Variants in LYST observed in about 807,000 individuals in gnomAD.
LYST encodes lysosomal trafficking regulator.
Under a neutral mutation model 413.6 loss-of-function variants are expected in LYST, and 192 were observed. The ratio of observed to expected loss-of-function variants is 0.46; its 90% confidence interval spans 0.41 to 0.52. The LOEUF is 0.52. Among genes scored for constraint, LYST ranks in the 20% least tolerant of loss-of-function variants. LYST has a pLI of 0.00. For synonymous variants in LYST, 1,525 were observed against 1,567.3 expected (o/e 0.97, Z 0.64); for missense variants, 3,815 against 4,499.9 (o/e 0.85, Z 4.35).
At position 235,759,276 on chromosome 1, in the gene LYST, C is replaced by G. The variant is rs1434479200; in HGVS notation, c.6577G>C (p.Gly2193Arg). 6.2e-7 allele frequency: 1 copy of G among 1,614,180 alleles called. No homozygotes were observed. The highest frequency in any genetic ancestry group is 8.5e-7 in the Non-Finnish European group (1 of 1,180,020). Reference sequence around the variant, plus strand: ...TTGACCACTGGAAATCCCAGCACTCCCTTTGGGACATCACTGACAGAGACC... The same window carrying G: ...TTGACCACTGGAAATCCCAGCACTCGCTTTGGGACATCACTGACAGAGACC... ...AQVSVSDVPK[G>R]VLGFPVVKAD... is the part of the protein sequence containing the mutation. Residue 2193 changes from glycine to arginine, a missense_variant, in exon 23 of 53, where the codon GGA (glycine) becomes CGA (arginine). Around this residue, in one of 4 missense-constraint regions of LYST, gnomAD observed 771 missense variants for 837.1 expected, o/e 0.92. Coordinates refer to ENST00000389793, the MANE Select transcript of LYST (RefSeq NM_000081.4).
At chr1:235,747,178 G>A (rs768899025) in intron 28 of LYST, 2 of 433,384 alleles carry the variant, frequency 4.6e-6, no homozygotes, top group Non-Finnish European at 9.3e-6. Flanking sequence ...ACCTGCTCCA[G>A]GAGGTACAAC....
chr1:235,705,694 C>A (rs1572037027), intron 44 of LYST, among the ~76,000 whole-genome samples: 1 of 151,686 alleles, frequency 6.6e-6, no homozygotes, highest in African/African-American at 2.4e-5. Flanking sequence ...CCCAGTGATA[C>A]TTTTAATGTA....
At chr1:235,874,446 C>A (rs181831794) in intron 1 of LYST, among the ~76,000 whole-genome samples, 120 of 152,300 alleles carry the variant, frequency 7.9e-4, no homozygotes, top group Non-Finnish European at 1.3e-3. Flanking sequence ...CGCGGAGGGA[C>A]ACCCAACTCC....
intron 29 of LYST, 72 bp from the exon 30 acceptor site, chr1:235,744,229 C>T (rs566518083): frequency 3.7e-6 from 3 of 806,590 alleles, no homozygotes; most frequent in African/African-American, 3.4e-5. Context: ...AGTAATAATA[C>T]TGGTAAAAAA....
At chr1:235,716,872 C>A in intron 40 of LYST, 94 bp from the exon 41 acceptor site, 1 of 718,914 alleles carries the variant, frequency 1.4e-6, no homozygotes, top group Non-Finnish European at 2.5e-6. Context: ...GGTAAGTGGT[C>A]AACAAAATGC....
chr1:235,878,915 A>G (rs1681251286), intron 1 of LYST, among the ~76,000 whole-genome samples: 1 of 152,166 alleles, frequency 6.6e-6, no homozygotes, highest in Non-Finnish European at 1.5e-5. Context: ...TTAGGGGTGC[A>G]AGTGCAATTG....
At chr1:235,733,983 T>A in intron 32 of LYST, 77 bp from the exon 33 acceptor site, 1 of 728,762 alleles carries the variant, frequency 1.4e-6, no homozygotes, top group Non-Finnish European at 2.2e-6. Context: ...CCCAACAAAC[T>A]AATTTTAAAA....
At chr1:235,744,454 A>C (rs1231801777) in intron 29 of LYST, among the ~76,000 whole-genome samples, 1 of 152,228 alleles carries the variant, frequency 6.6e-6, no homozygotes, top group Non-Finnish European at 1.5e-5. Flanking sequence ...TACAAATCAA[A>C]CATAAAGATC....
intron 38 of LYST, 43 bp from the exon 39 acceptor site, chr1:235,724,223 TATAA>T (rs1321708056): frequency 6.7e-7 from 1 of 1,486,792 alleles, no homozygotes. Context: ...TTACCGGAAA[TATAA>T]ATAATTACTT....
chr1:235,880,116 C>A (rs972321873), intron 1 of LYST, among the ~76,000 whole-genome samples: 3 of 152,208 alleles, frequency 2.0e-5, no homozygotes, highest in Admixed American at 2.0e-4. Flanking sequence ...ACATGCATAG[C>A]ACTGTACCTT....
chr1:235,712,076 C>T lies in LYST; in HGVS notation c.9906G>A (p.Glu3302=), dbSNP rs753955192. The change falls in exon 43 of 53, where the codon GAG becomes GAA. Residue 3302 remains glutamate (E), a synonymous_variant. Transcript: ENST00000389793. ...CTATACCTTCACGGTTAACTAGGAA[C>T]TCTGGAAGATAGAAAAACTCTGGGA... is the stretch of plus-strand genomic sequence containing the variant. ...ELIPEFFYLP[E]FLVNREGFDF... The T allele has an allele frequency of 3.9e-6, 6 of 1,544,548 alleles. No homozygotes were observed. Among genetic ancestry groups the T allele is most frequent in the Non-Finnish European group, 5.3e-6 (6 of 1,141,132 alleles).
intron 1 of LYST, among the ~76,000 whole-genome samples, chr1:235,841,446 C>A (rs952559427): frequency 1.3e-5 from 2 of 152,142 alleles, no homozygotes; most frequent in African/African-American, 2.4e-5. Flanking sequence ...TTCTTCCCAG[C>A]ATCACTGGCA....
At chr1:235,708,392 T>C (rs1349043821) in intron 44 of LYST, among the ~76,000 whole-genome samples, 2 of 152,184 alleles carry the variant, frequency 1.3e-5, no homozygotes, top group Non-Finnish European at 2.9e-5. Flanking sequence ...AGAGTTAACA[T>C]AGCAAGATTG....
intron 14 of LYST, among the ~76,000 whole-genome samples, chr1:235,782,713 C>T (rs1170751368): frequency 6.6e-6 from 1 of 152,148 alleles, no homozygotes; most frequent in Admixed American, 6.5e-5. Context: ...AAACCAACCA[C>T]CTCCCCTTAA....
intron 1 of LYST, among the ~76,000 whole-genome samples, chr1:235,850,829 C>T (rs1271129406): frequency 6.6e-6 from 1 of 152,012 alleles, no homozygotes; most frequent in Non-Finnish European, 1.5e-5. Flanking sequence ...AATGTGATAC[C>T]ATCTCACTCC....
At chr1:235,737,232 C>T (rs1010007388) in intron 31 of LYST, 13 of 152,034 alleles carry the variant, frequency 8.6e-5, no homozygotes, top group Admixed American at 4.6e-4. Context: ...TCATGTTGAT[C>T]ATCTTATTTT....
intron 41 of LYST, 71 bp from the exon 42 acceptor site, chr1:235,715,428 T>G (rs1203761538): frequency 7.6e-6 from 11 of 1,438,746 alleles, no homozygotes; most frequent in Non-Finnish European, 1.1e-5. Context: ...GTGCTGGATG[T>G]TTTTTTTTCT....
At chr1:235,799,011 T>C (rs928154639) in intron 10 of LYST, among the ~76,000 whole-genome samples, 1 of 152,168 alleles carries the variant, frequency 6.6e-6, no homozygotes, top group Non-Finnish European at 1.5e-5. Context: ...GGGAATTATA[T>C]CCCAATAAAC....
At chr1:235,774,884 C>G (rs767580093) in intron 18 of LYST, 29 bp downstream of exon 18, 2 of 1,487,152 alleles carry the variant, frequency 1.3e-6, no homozygotes, top group Non-Finnish European at 1.9e-6. Context: ...GCATATGAAA[C>G]TATAAGAATA....
Sources: gnomAD v4.1 joint callset for allele counts (sites outside exome capture counted in the v4.1 genomes callset) on GRCh38, gnomAD v4.1.1 for gene constraint, gnomAD v4.1.1 regional missense constraint, MANE v1.5 for transcripts, NCBI Gene and HGNC (gene_info 2026-07-23, HGNC 2026-07-21) for gene names.